Variants in LRRC36 observed in about 807,000 individuals in gnomAD.
The protein encoded by LRRC36 is leucine rich repeat containing 36.
Under a neutral mutation model 81.1 loss-of-function variants are expected in LRRC36, and 62 were observed. That is an observed-to-expected ratio of 0.76 (90% CI 0.62 to 0.94). The LOEUF (loss-of-function observed/expected upper bound fraction) is 0.94. Among genes scored for constraint, LRRC36 ranks in the 40% least tolerant of loss-of-function variants. The probability of loss-of-function intolerance (pLI) is 0.00; values close to 1 mark genes in which losing one functional copy is unlikely to be tolerated. For synonymous variants in LRRC36, 334 were observed against 348.6 expected (o/e 0.96, Z 0.47); for missense variants, 761 against 881.7 (o/e 0.86, Z 1.73).
rs371028334 is a variant in LRRC36, at chr16:67,326,919, G to A, written c.57G>A (p.Thr19=). Reference sequence around the variant, plus strand: ...GCATTCGCCGCCTGGGGGCGCTGACGCTGGAGCAGCCGGGTAGGGTCTGGC... The same window carrying A: ...GCATTCGCCGCCTGGGGGCGCTGACACTGGAGCAGCCGGGTAGGGTCTGGC... ...EEGIRRLGAL[T]LEQPELVESL... The change falls in exon 1 of 14, where the codon ACG becomes ACA. Residue 19 remains threonine, a synonymous_variant. Coordinates refer to ENST00000329956, the MANE Select transcript of LRRC36 (RefSeq NM_018296.6). 6 of 1,492,694 alleles carry A rather than the reference G, an allele frequency of 4.0e-6. No individual in the cohort carries two copies. Among genetic ancestry groups the A allele is most frequent in the African/African-American group, 1.5e-5 (1 of 68,048 alleles). 92.5% of individuals were successfully genotyped at this position (1,492,694 alleles called of 1,614,324 possible). A position where few individuals can be genotyped will look rare whatever the true frequency, so the allele number is the denominator to read the frequency against.
chr16:67,335,432 G>A (rs913183949), intron 1 of LRRC36, among the ~76,000 whole-genome samples: 1 of 152,164 alleles, frequency 6.6e-6, no homozygotes, highest in African/African-American at 2.4e-5. Flanking sequence ...GAACATTGCT[G>A]TTATCCTGTT....
intron 13 of LRRC36, among the ~76,000 whole-genome samples, chr16:67,384,172 C>T (rs1331740887): frequency 6.6e-6 from 1 of 152,066 alleles, no homozygotes. Flanking sequence ...TGCAGTGGCT[C>T]GAGCCTGTAA....
chr16:67,376,774 C>T lies in LRRC36; in HGVS notation c.1708C>T (p.Gln570Ter). The change falls in exon 11 of 14, where the codon CAG (glutamine) becomes TAG (stop). Residue 570 changes from glutamine to a stop codon, truncating the protein, a stop_gained. Coordinates refer to ENST00000329956, the MANE Select transcript of LRRC36 (RefSeq NM_018296.6). LOFTEE classifies it high-confidence loss of function. ...GTCTTTGGTAGTCCCGGCTCCTTCT[C>T]AGCCGAGGTGTTGCTCACATCCTGA... ...LLSLVVPAPS[Q>*]PRCCSHPEDT... is the part of the protein sequence containing the mutation. 1 of 1,613,888 alleles carries T rather than the reference C, an allele frequency of 6.2e-7. No individual in the cohort carries two copies. Among genetic ancestry groups the T allele is most frequent in the Non-Finnish European group, 8.5e-7 (1 of 1,179,762 alleles).
Position 67,376,620 on chromosome 16 carries a change from G to A in LRRC36, c.1661-107G>A, listed in dbSNP as rs537193944. On this transcript the variant is annotated intron_variant, in intron 10 of 13. Coordinates refer to ENST00000329956, the MANE Select transcript of LRRC36 (RefSeq NM_018296.6). ...ACTTACTAAGTTCTGGTAAAAAGGA[G>A]ATAATACATTAGCCTATTTGATCCA... The A allele has an allele frequency of 4.8e-4, 554 of 1,159,550 alleles. 2 individuals carry two copies. The highest frequency in any genetic ancestry group is 5.6e-4 in the Non-Finnish European group (455 of 811,554). 71.8% of individuals were successfully genotyped at this position (1,159,550 alleles called of 1,614,324 possible). A position where few individuals can be genotyped will look rare whatever the true frequency, so the allele number is the denominator to read the frequency against.
At chr16:67,378,232 A>ATTTTTTTT (rs1273856739) in intron 11 of LRRC36, among the ~76,000 whole-genome samples, 53 of 111,982 alleles carry the variant, frequency 4.7e-4, no homozygotes, top group African/African-American at 2.8e-3. Context: ...AGCATGTCAG[A>ATTTTTTTT]TTCTTTTTTT....
At chr16:67,367,561 C>T (rs2039458271) in intron 8 of LRRC36, 104 bp downstream of exon 8, 2 of 1,052,622 alleles carry the variant, frequency 1.9e-6, no homozygotes, top group African/African-American at 1.6e-5. Flanking sequence ...ATTAGCATTT[C>T]TTAAGTTGTA....
At chr16:67,363,567 G>A in intron 5 of LRRC36, 23 bp from the exon 6 acceptor site, 1 of 1,612,184 alleles carries the variant, frequency 6.2e-7, no homozygotes, top group African/African-American at 1.3e-5. Flanking sequence ...GTGCTTTATT[G>A]TTTGCTTTTT....
intron 9 of LRRC36, among the ~76,000 whole-genome samples, chr16:67,375,033 AC>A (rs1446703078): frequency 6.6e-6 from 1 of 151,870 alleles, no homozygotes; most frequent in Admixed American, 6.6e-5. Flanking sequence ...AGGCTGAGGC[AC>A]AAGAATCGCT....
intron 9 of LRRC36, chr16:67,371,450 A>C: frequency 1.7e-6 from 1 of 598,292 alleles, no homozygotes; most frequent in Non-Finnish European, 3.0e-6. Context: ...CCATTTTCTC[A>C]CCTATATCAC....
At chr16:67,356,906 A>G (rs778343128) in intron 5 of LRRC36, among the ~76,000 whole-genome samples, 9 of 152,234 alleles carry the variant, frequency 5.9e-5, no homozygotes, top group Non-Finnish European at 1.2e-4. Flanking sequence ...GTGGCTAGAG[A>G]TAAGGCCAAG....
chr16:67,352,436 C>T (rs905116002), intron 5 of LRRC36, among the ~76,000 whole-genome samples: 10 of 152,108 alleles, frequency 6.6e-5, no homozygotes, highest in Admixed American at 5.2e-4. Flanking sequence ...CCAATCATTG[C>T]GAATGGGCAC....
chr16:67,331,060 TGAGAGAGAAA>T (rs2037458528), intron 1 of LRRC36, among the ~76,000 whole-genome samples: 4 of 108,090 alleles, frequency 3.7e-5, no homozygotes, highest in Admixed American at 1.0e-4. Context: ...GTGTGAGATG[TGAGAGAGAAA>T]GAGAGAGAGA....
At chr16:67,344,758 C>A (rs1381264333) in intron 2 of LRRC36, among the ~76,000 whole-genome samples, 12 of 151,478 alleles carry the variant, frequency 7.9e-5, no homozygotes, top group South Asian at 2.1e-4. Flanking sequence ...ACAACAACAA[C>A]AAAAAAAACA....
intron 4 of LRRC36, among the ~76,000 whole-genome samples, chr16:67,349,023 CATGGA>C (rs2038490480): frequency 6.6e-6 from 1 of 152,058 alleles, no homozygotes; most frequent in East Asian, 1.9e-4. Flanking sequence ...GGTTACTTTG[CATGGA>C]ATAGTCACTC....
chr16:67,382,195 G>T lies in LRRC36; in HGVS notation c.1993G>T (p.Ala665Ser), dbSNP rs375036942. 5 of 1,614,084 alleles carry T rather than the reference G, an allele frequency of 3.1e-6. No individual in the cohort carries two copies. The African/African-American group carries it at 5.3e-5, about 17-fold the overall frequency. The change falls in exon 13 of 14, where the codon GCC becomes TCC. Residue 665 changes from alanine to serine, a missense_variant. Coordinates refer to ENST00000329956, the MANE Select transcript of LRRC36 (RefSeq NM_018296.6). ...MQVACLNQEL[A>S]QLKKLEKTVA... is the part of the protein sequence containing the mutation. ...GGTGGCTTGCCTGAACCAGGAGCTTGCCCAGCTGAAAAAGCTGGAGAAGAC... is the reference window on the plus strand; with the variant it reads ...GGTGGCTTGCCTGAACCAGGAGCTTTCCCAGCTGAAAAAGCTGGAGAAGAC...
chr16:67,339,776 T>C (rs1488890132), intron 1 of LRRC36, among the ~76,000 whole-genome samples: 1 of 152,204 alleles, frequency 6.6e-6, no homozygotes, highest in African/African-American at 2.4e-5. Context: ...CCATTCAGTG[T>C]AGATTCTACT....
intron 7 of LRRC36, among the ~76,000 whole-genome samples, chr16:67,365,584 A>G (rs1381714575): frequency 2.6e-5 from 4 of 152,072 alleles, no homozygotes; most frequent in African/African-American, 9.7e-5. Flanking sequence ...TTGGATGACT[A>G]TTCTTTTTGT....
intron 12 of LRRC36, among the ~76,000 whole-genome samples, chr16:67,378,936 CA>C (rs2040013645): frequency 1.3e-5 from 2 of 152,180 alleles, no homozygotes; most frequent in Non-Finnish European, 2.9e-5. Flanking sequence ...AAAGCATGTA[CA>C]AATGTTGTTA....
chr16:67,361,325 C>T (rs2039135886), intron 5 of LRRC36, among the ~76,000 whole-genome samples: 1 of 152,116 alleles, frequency 6.6e-6, no homozygotes, highest in Admixed American at 6.5e-5. Context: ...AGCCACTGTG[C>T]CTGGCCTTTG....
Sources: gnomAD v4.1 joint callset for allele counts (sites outside exome capture counted in the v4.1 genomes callset) on GRCh38, gnomAD v4.1.1 for gene constraint, MANE v1.5 for transcripts, NCBI Gene and HGNC (gene_info 2026-07-23, HGNC 2026-07-21) for gene names.